Variants in LRMDA observed in about 807,000 individuals in gnomAD.
The protein encoded by LRMDA is leucine rich melanocyte differentiation associated.
In LRMDA, 18 loss-of-function variants were observed where a neutral mutation model predicts 29.8. The observed-to-expected ratio is 0.60, with a 90% CI of 0.42 to 0.90. The LOEUF is 0.90. LRMDA is among the 40% of genes least tolerant of loss of function. The pLI, the probability that LRMDA is intolerant of heterozygous loss-of-function variation, is 0.00. For synonymous variants in LRMDA, 125 were observed against 109.4 expected (o/e 1.14, Z -0.89); for missense variants, 273 against 273.9 (o/e 1.00, Z 0.02).
chr10:75,766,781 C>T (rs1209113410), intron 2 of LRMDA, among the ~76,000 whole-genome samples: 1 of 151,924 alleles, frequency 6.6e-6, no homozygotes, highest in Non-Finnish European at 1.5e-5. Flanking sequence ...TGTCCTAATG[C>T]CCTCCCTCCC....
At chr10:75,911,695 A>G (rs186761497) in intron 2 of LRMDA, among the ~76,000 whole-genome samples, 25 of 152,278 alleles carry the variant, frequency 1.6e-4, no homozygotes, top group African/African-American at 4.8e-4. Flanking sequence ...GTGAGCATGT[A>G]TGATTTGAGT....
chr10:75,885,263 G>A (rs1401869045), intron 2 of LRMDA, among the ~76,000 whole-genome samples: 1 of 152,208 alleles, frequency 6.6e-6, no homozygotes, highest in Non-Finnish European at 1.5e-5. Context: ...TCCTGAAGCT[G>A]GGCTGTTTGC....
intron 2 of LRMDA, among the ~76,000 whole-genome samples, chr10:75,769,158 G>A (rs1182454050): frequency 6.6e-6 from 1 of 152,206 alleles, no homozygotes; most frequent in Non-Finnish European, 1.5e-5. Flanking sequence ...TTAACTCTGA[G>A]GACAGCTACC....
At chr10:75,692,601 G>GTGTA (rs2075437804) in intron 2 of LRMDA, among the ~76,000 whole-genome samples, 1 of 138,830 alleles carries the variant, frequency 7.2e-6, no homozygotes, top group Non-Finnish European at 1.5e-5. Flanking sequence ...GTGTGTGTGT[G>GTGTA]TGTGTATGTG....
intron 2 of LRMDA, among the ~76,000 whole-genome samples, chr10:75,953,310 C>T (rs1227817549): frequency 6.6e-6 from 1 of 152,104 alleles, no homozygotes; most frequent in African/African-American, 2.4e-5. Context: ...AACTCCTGGC[C>T]TCAAGCGATC....
intron 2 of LRMDA, among the ~76,000 whole-genome samples, chr10:75,473,230 C>T (rs1342197755): frequency 1.3e-5 from 2 of 152,096 alleles, no homozygotes; most frequent in African/African-American, 4.8e-5. Flanking sequence ...AAGGTGTATA[C>T]CAAAGTGGGG....
At chr10:75,887,065 A>G (rs912514047) in intron 2 of LRMDA, among the ~76,000 whole-genome samples, 14 of 152,064 alleles carry the variant, frequency 9.2e-5, no homozygotes, top group Non-Finnish European at 1.9e-4. Context: ...AGATGGTTCT[A>G]CCTTTAAGAA....
chr10:75,697,539 A>G (rs761467099), intron 2 of LRMDA, among the ~76,000 whole-genome samples: 1 of 151,156 alleles, frequency 6.6e-6, no homozygotes, highest in Non-Finnish European at 1.5e-5. Context: ...AATTACGGAC[A>G]TAAGTATTTT....
intron 5 of LRMDA, among the ~76,000 whole-genome samples, chr10:76,241,743 C>T (rs1363850047): frequency 6.6e-6 from 1 of 152,126 alleles, no homozygotes; most frequent in Non-Finnish European, 1.5e-5. Flanking sequence ...TGCCTGACCC[C>T]CATCCTCACC....
rs138009908 is a variant in LRMDA, at chr10:76,271,267, G to T, written c.517-53134G>T. 7.3e-3 allele frequency among the ~76,000 whole-genome samples: 1,109 copies of T among 152,256 alleles called. 12 individuals are homozygous for T. The highest frequency in any genetic ancestry group is 0.025 in the African/African-American group (1,058 of 41,554). On this transcript the variant is annotated intron_variant, in intron 5 of 6. Transcript: ENST00000611255. Reference sequence around the variant, plus strand: ...TACAAAAAGTACAAAAATTAGCTGGGTGTGGTGGCATGCACCTGTAATCCC... The same window carrying T: ...TACAAAAAGTACAAAAATTAGCTGGTTGTGGTGGCATGCACCTGTAATCCC...
At chr10:75,486,312 C>A (rs1157982297) in intron 2 of LRMDA, among the ~76,000 whole-genome samples, 1 of 152,128 alleles carries the variant, frequency 6.6e-6, no homozygotes, top group African/African-American at 2.4e-5. Context: ...CTATAGCATT[C>A]AAAATCTATC....
intron 5 of LRMDA, among the ~76,000 whole-genome samples, chr10:76,101,091 T>C (rs562828777): frequency 1.3e-5 from 2 of 152,348 alleles, no homozygotes; most frequent in South Asian, 2.1e-4. Flanking sequence ...TCCAGCTCTT[T>C]TTTTTTATTG....
chr10:76,546,947 AATT>A (rs1437115793), intron 6 of LRMDA, among the ~76,000 whole-genome samples: 1 of 152,136 alleles, frequency 6.6e-6, no homozygotes, highest in Non-Finnish European at 1.5e-5. Context: ...CAGCAGCTGG[AATT>A]ATTGTCATAT....
intron 2 of LRMDA, among the ~76,000 whole-genome samples, chr10:75,970,460 G>C (rs564492732): frequency 6.6e-6 from 1 of 152,282 alleles, no homozygotes; most frequent in East Asian, 1.9e-4. Context: ...TCATTTGGGG[G>C]AAAAGTTCTG....
At chr10:75,478,725 G>C (rs1251984142) in intron 2 of LRMDA, among the ~76,000 whole-genome samples, 1 of 152,206 alleles carries the variant, frequency 6.6e-6, no homozygotes, top group South Asian at 2.1e-4. Flanking sequence ...TAATACATAA[G>C]GATTTCCGTG....
intron 2 of LRMDA, among the ~76,000 whole-genome samples, chr10:75,897,905 C>T (rs963512274): frequency 7.2e-6 from 1 of 138,482 alleles, no homozygotes; most frequent in Non-Finnish European, 1.5e-5. Flanking sequence ...TCACTGCAAC[C>T]TCCACCTCCC....
intron 5 of LRMDA, among the ~76,000 whole-genome samples, chr10:76,202,625 C>A (rs887593877): frequency 6.6e-6 from 1 of 151,996 alleles, no homozygotes; most frequent in Non-Finnish European, 1.5e-5. Flanking sequence ...CAGTCAGGAG[C>A]CCTTTAGAAA....
intron 2 of LRMDA, among the ~76,000 whole-genome samples, chr10:75,539,956 TA>T (rs1839996472): frequency 6.6e-6 from 1 of 152,200 alleles, no homozygotes; most frequent in African/African-American, 2.4e-5. Flanking sequence ...ACCCAGGGGT[TA>T]AAGGTTATTA....
chr10:76,442,105 A>G (rs964094847), intron 6 of LRMDA, among the ~76,000 whole-genome samples: 2 of 152,206 alleles, frequency 1.3e-5, no homozygotes, highest in Non-Finnish European at 2.9e-5. Flanking sequence ...TGTAATTCTT[A>G]AAGATTAGTG....
Sources: gnomAD v4.1 joint callset for allele counts (sites outside exome capture counted in the v4.1 genomes callset) on GRCh38, gnomAD v4.1.1 for gene constraint, MANE v1.5 for transcripts, NCBI Gene and HGNC (gene_info 2026-07-23, HGNC 2026-07-21) for gene names.